The following FBXW7 variants were observed in gnomAD, a reference collection of about 807,000 sequenced individuals.
FBXW7 encodes the protein F-box/WD repeat-containing protein 7.
A neutral mutation model predicts 86.3 loss-of-function variants in FBXW7; 11 were observed. The observed-to-expected ratio is 0.13, with a 90% confidence interval of 0.08 to 0.21. The LOEUF (loss-of-function observed/expected upper bound fraction) is 0.21. Ranked by LOEUF, FBXW7 falls within the 10% of genes least tolerant of loss-of-function variation. The probability of loss-of-function intolerance (pLI) is 1.00; values close to 1 mark genes in which losing one functional copy is unlikely to be tolerated. For synonymous variants in FBXW7, 313 were observed against 297.9 expected (o/e 1.05, Z -0.52); for missense variants, 488 against 847.4 (o/e 0.58, Z 5.27).
chr4:152,531,355 C>A (rs960865493), intron 2 of FBXW7, among the ~76,000 whole-genome samples: 2 of 152,138 alleles, frequency 1.3e-5, no homozygotes, highest in Non-Finnish European at 2.9e-5. Context: ...AACATCTCTT[C>A]CCCAGAGTTT....
intron 2 of FBXW7, among the ~76,000 whole-genome samples, chr4:152,510,072 T>C (rs1053928491): frequency 1.3e-5 from 2 of 152,150 alleles, no homozygotes; most frequent in Non-Finnish European, 2.9e-5. Flanking sequence ...TTCTCAACAG[T>C]GATGACTGGG....
At chr4:152,431,640 T>C (rs1333601597) in intron 2 of FBXW7, among the ~76,000 whole-genome samples, 1 of 152,154 alleles carries the variant, frequency 6.6e-6, no homozygotes, top group East Asian at 1.9e-4. Flanking sequence ...CCCATAATTT[T>C]TACTGAACAA....
chr4:152,442,626 T>C (rs1200296409), intron 2 of FBXW7, among the ~76,000 whole-genome samples: 1 of 152,252 alleles, frequency 6.6e-6, no homozygotes, highest in Admixed American at 6.5e-5. Flanking sequence ...ACACATGTAC[T>C]GACCAGATTA....
intron 2 of FBXW7, among the ~76,000 whole-genome samples, chr4:152,529,150 T>G (rs1406328198): frequency 2.0e-5 from 3 of 152,210 alleles, no homozygotes; most frequent in Admixed American, 1.3e-4. Context: ...TTGGAGTATT[T>G]GCAGATAGAA....
chr4:152,458,827 T>C (rs570438236), intron 2 of FBXW7, among the ~76,000 whole-genome samples: 3 of 152,284 alleles, frequency 2.0e-5, no homozygotes, highest in African/African-American at 7.2e-5. Context: ...GGTAGGATCT[T>C]GCAATGAAGA....
At chr4:152,419,873 C>T (rs944227363) in intron 2 of FBXW7, among the ~76,000 whole-genome samples, 4 of 152,108 alleles carry the variant, frequency 2.6e-5, no homozygotes, top group Non-Finnish European at 5.9e-5. Context: ...TGCTAATGAT[C>T]AACTGAGACT....
intron 2 of FBXW7, among the ~76,000 whole-genome samples, chr4:152,465,298 AGAAGG>A (rs1743301801): frequency 6.6e-6 from 1 of 152,186 alleles, no homozygotes; most frequent in African/African-American, 2.4e-5. Context: ...ACAGAACAAG[AGAAGG>A]GAAGAGGAAA....
intron 2 of FBXW7, among the ~76,000 whole-genome samples, chr4:152,420,453 G>A (rs1451507228): frequency 6.6e-6 from 1 of 152,144 alleles, no homozygotes; most frequent in Non-Finnish European, 1.5e-5. Context: ...AATCACGAAT[G>A]TTCTCAATGG....
chr4:152,324,589 C>T (rs1288199961), intron 12 of FBXW7, 195 bp from the exon 13 acceptor site: 6 of 533,800 alleles, frequency 1.1e-5, no homozygotes, highest in Admixed American at 3.4e-5. Context: ...TTCTCACACA[C>T]TTCTATCAGA....
intron 7 of FBXW7, among the ~76,000 whole-genome samples, chr4:152,334,549 G>A (rs564071909): frequency 1.6e-3 from 236 of 152,096 alleles, no homozygotes; most frequent in Non-Finnish European, 2.6e-3. Context: ...CTTTGCTTTC[G>A]TTATCTAACT....
intron 2 of FBXW7, among the ~76,000 whole-genome samples, chr4:152,442,383 C>G (rs1483999180): frequency 1.3e-5 from 2 of 152,314 alleles, no homozygotes; most frequent in Admixed American, 1.3e-4. Context: ...TCCAAGATGG[C>G]TTCCCAAGTA....
chr4:152,394,194 T>G (rs1049953321), intron 4 of FBXW7, among the ~76,000 whole-genome samples: 1 of 152,114 alleles, frequency 6.6e-6, no homozygotes, highest in Admixed American at 6.6e-5. Context: ...GTGAAAAACT[T>G]AGATATTTTC....
chr4:152,388,000 G>A (rs749271507), intron 4 of FBXW7, among the ~76,000 whole-genome samples: 36 of 151,982 alleles, frequency 2.4e-4, no homozygotes, highest in Non-Finnish European at 4.7e-4. Flanking sequence ...GAGCCACAGC[G>A]CCTGGTCAGG....
At chr4:152,327,618 G>A (rs566836490) in intron 11 of FBXW7, among the ~76,000 whole-genome samples, 25 of 152,094 alleles carry the variant, frequency 1.6e-4, no homozygotes, top group African/African-American at 5.3e-4. Flanking sequence ...TCCTTAATTC[G>A]TTAGTCAACA....
At position 152,413,108 on chromosome 4, in the gene FBXW7, T is replaced by C. The variant is rs373919385; in HGVS notation, c.-119-579A>G. Among the ~76,000 whole-genome samples, 138 of 152,198 alleles carry C rather than the reference T, an allele frequency of 9.1e-4. 1 individual carries two copies. Among genetic ancestry groups the C allele is most frequent in the African/African-American group, 3.2e-3 (134 of 41,556 alleles). ...CTTGAAACTGCTAACAAATGAAGTA[T>C]TGTCAATTCTAGTCTTTTTCAGAGA... On this transcript the variant is annotated intron_variant, in intron 2 of 13. Transcript: ENST00000281708.
intron 4 of FBXW7, among the ~76,000 whole-genome samples, chr4:152,372,280 A>G (rs1441526814): frequency 1.3e-5 from 2 of 151,962 alleles, no homozygotes; most frequent in African/African-American, 2.4e-5. Flanking sequence ...CTACTCTGAC[A>G]TTTCAAAGTG....
chr4:152,347,980 C>G (rs992469964), intron 5 of FBXW7, among the ~76,000 whole-genome samples: 1 of 149,066 alleles, frequency 6.7e-6, no homozygotes, highest in African/African-American at 2.5e-5. Flanking sequence ...GGAAAAAAAG[C>G]AGCAGGAAGG....
chr4:152,513,374 C>T (rs1014779204), intron 2 of FBXW7, among the ~76,000 whole-genome samples: 13 of 152,158 alleles, frequency 8.5e-5, no homozygotes, highest in Non-Finnish European at 1.8e-4. Flanking sequence ...CTATTGTTAA[C>T]CCTAATCCAG....
At chr4:152,526,510 T>C (rs1296351887) in intron 2 of FBXW7, among the ~76,000 whole-genome samples, 1 of 152,164 alleles carries the variant, frequency 6.6e-6, no homozygotes, top group South Asian at 2.1e-4. Flanking sequence ...CACATACTAA[T>C]AATTTCAGGA....
Sources: gnomAD v4.1 joint callset for allele counts (sites outside exome capture counted in the v4.1 genomes callset) on GRCh38, gnomAD v4.1.1 for gene constraint, MANE v1.5 for transcripts, NCBI Gene and HGNC (gene_info 2026-07-23, HGNC 2026-07-21) for gene names.